Variants in ABCA6 observed in about 807,000 individuals in gnomAD.
ABCA6 encodes the protein ATP binding cassette subfamily A member 6, also known as ATP-binding cassette sub-family A member 6.
In ABCA6, 164 loss-of-function variants were observed where a neutral mutation model predicts 191.2. The ratio of observed to expected loss-of-function variants is 0.86; its 90% CI spans 0.76 to 0.98. The LOEUF is 0.98. Ranked by LOEUF, ABCA6 falls within the 50% of genes least tolerant of loss-of-function variation. The pLI is 0.00. For missense variants in ABCA6, 1,958 were observed against 1,894.1 expected (o/e 1.03, Z -0.63); for synonymous variants, 636 against 647.7 (o/e 0.98, Z 0.27).
rs1289184506 is a variant in ABCA6 at position 69,103,401 on chromosome 17, A to G, written c.2741-433T>C. ...GACAAGTAAATATATATGTGTCTGT[A>G]TAACACATACATATGTTTTACTTTA... On this transcript the variant is annotated intron_variant, in intron 20 of 38. Coordinates refer to ENST00000284425, the MANE Select transcript of ABCA6 (RefSeq NM_080284.3). Among the ~76,000 whole-genome samples the G allele has an allele frequency of 5.3e-5, 8 of 152,328 alleles. No homozygotes were observed. In the East Asian group the frequency reaches 1.3e-3, roughly 26 times the overall value.
rs761572402 is a variant in ABCA6, at chr17:69,102,785, A to C, written c.2874+50T>G. On this transcript the variant is annotated intron_variant, in intron 21 of 38. Transcript: ENST00000284425. ...TAATTTCTGCAGTTTTAAAACAGCT[A>C]AAATGTAGTACTTTTTGTTTTTTTC... 6.5e-6 allele frequency: 10 copies of C among 1,527,710 alleles called. No homozygotes were observed. The African/African-American group carries it at 1.4e-4, about 22-fold the overall frequency. 94.6% of individuals were successfully genotyped at this position (1,527,710 alleles called of 1,614,324 possible).
At chr17:69,115,016 T>C in intron 12 of ABCA6, 79 bp from the exon 13 acceptor site, 1 of 1,107,206 alleles carries the variant, frequency 9.0e-7, no homozygotes, top group Non-Finnish European at 1.3e-6. Flanking sequence ...AAGAAAATAT[T>C]GGCATATGTT....
At chr17:69,101,366 G>A (rs911830138) in intron 21 of ABCA6, among the ~76,000 whole-genome samples, 54 of 152,142 alleles carry the variant, frequency 3.5e-4, no homozygotes, top group East Asian at 1.9e-4. Flanking sequence ...AGGCCAAGGC[G>A]GGCAGATCAC....
At position 69,078,876 on chromosome 17, in the gene ABCA6, T is replaced by G. The variant is rs891363474; in HGVS notation, c.*97A>C. 1 of 696,192 alleles carries G rather than the reference T, an allele frequency of 1.4e-6. No individual in the cohort carries two copies. The highest frequency in any genetic ancestry group is 1.9e-5 in the African/African-American group (1 of 53,660). The allele number at this position is 696,192 out of a possible 1,614,324, so 43.1% of individuals were successfully genotyped here. ...CTAAATTTACAAAATATACCTGATG[T>G]TAATTTTAAATGATCTTTAAAATTA... is the stretch of plus-strand genomic sequence containing the variant. On this transcript the variant is annotated 3_prime_UTR_variant, in exon 39 of 39. Coordinates refer to ENST00000284425, the MANE Select transcript of ABCA6 (RefSeq NM_080284.3).
rs2144694300 is a variant in ABCA6, at chr17:69,123,414, A to T, written c.1268-7T>A. The T allele has an allele frequency of 6.9e-7, 1 of 1,458,486 alleles. No homozygotes were observed. The highest frequency in any genetic ancestry group is 1.4e-5 in the African/African-American group (1 of 70,556). 90.3% of individuals were successfully genotyped at this position (1,458,486 alleles called of 1,614,324 possible). ...TAATGGCGCTCATCTCCATCTAATT[A>T]ACCAAGAGGCAACAAAATATGATCA... is the stretch of plus-strand genomic sequence containing the variant. On this transcript the variant is annotated splice_region_variant and splice_polypyrimidine_tract_variant and intron_variant, in intron 9 of 38. Coordinates refer to ENST00000284425, the MANE Select transcript of ABCA6 (RefSeq NM_080284.3).
At chr17:69,113,085 C>G in intron 15 of ABCA6, 137 bp downstream of exon 15, 1 of 976,612 alleles carries the variant, frequency 1.0e-6, no homozygotes, top group Non-Finnish European at 1.4e-6. Context: ...TGGAACTAGA[C>G]TCCTGTCGTC....
At chr17:69,090,721 T>A (rs1254501844) in intron 26 of ABCA6, among the ~76,000 whole-genome samples, 1 of 152,222 alleles carries the variant, frequency 6.6e-6, no homozygotes, top group African/African-American at 2.4e-5. Flanking sequence ...TGATATATAT[T>A]TTTGAATGAT....
chr17:69,141,257 A>C (rs1020917330), intron 1 of ABCA6, among the ~76,000 whole-genome samples: 2 of 151,994 alleles, frequency 1.3e-5, no homozygotes, highest in African/African-American at 4.8e-5. Context: ...ATGAAAAGAG[A>C]TAGGTTGTAA....
At chr17:69,136,377 C>T in intron 3 of ABCA6, 127 bp from the exon 4 acceptor site, 5 of 779,588 alleles carry the variant, frequency 6.4e-6, no homozygotes, top group Non-Finnish European at 9.2e-6. Flanking sequence ...CCATTTAAAT[C>T]AATTTTAACC....
intron 25 of ABCA6, among the ~76,000 whole-genome samples, chr17:69,095,785 A>T (rs1214911439): frequency 6.6e-6 from 1 of 152,168 alleles, no homozygotes; most frequent in Non-Finnish European, 1.5e-5. Context: ...TTTCCAGCAA[A>T]GTTTTCCATG....
rs768126641 is a variant in ABCA6 at position 69,084,476 on chromosome 17, G to A, written c.4216C>T (p.Leu1406=). 6.2e-7 allele frequency: 1 copy of A among 1,614,150 alleles called. No homozygotes were observed. The highest frequency in any genetic ancestry group is 8.5e-7 in the Non-Finnish European group (1 of 1,180,016). ...GTTAATTTCTGCACAGGAACATTCA[G>A]CTGCTCATGCAGTTTGAAAGCACTC... ...LVSAFKLHEQ[L]NVPVQKLTAG... The change falls in exon 33 of 39, where the codon CTG becomes TTG. Residue 1406 remains leucine, a synonymous_variant. Coordinates refer to ENST00000284425, the MANE Select transcript of ABCA6 (RefSeq NM_080284.3).
At chr17:69,111,255 A>G (rs901806384) in intron 16 of ABCA6, 1 of 175,082 alleles carries the variant, frequency 5.7e-6, no homozygotes, top group African/African-American at 2.4e-5. Flanking sequence ...GAGACTTCTT[A>G]GGGAAAATAA....
In ABCA6 at chr17:69,083,222, C is replaced by T. The variant is rs1217890083; in HGVS notation, c.4465G>A (p.Gly1489Arg). 1.3e-6 allele frequency: 2 copies of T among 1,599,744 alleles called. No homozygotes were observed. Among genetic ancestry groups the T allele is most frequent in the Admixed American group, 1.8e-5 (1 of 56,174 alleles). The change falls in exon 35 of 39, where the codon GGA (glycine) becomes AGA (arginine). Residue 1489 changes from glycine (G) to arginine (R), a missense_variant. Physicochemically the swap from Gly to Arg is moderately radical, Grantham distance 125. Coordinates refer to ENST00000284425, the MANE Select transcript of ABCA6 (RefSeq NM_080284.3). ...LCDRVAIMVS[G>R]RLRCIGSIQH... Reference sequence around the variant, plus strand: ...CGGAGAGACACCCACCTAAGCCTTCCAGACACCATGATGGCCACACGGTCA... The same window carrying T: ...CGGAGAGACACCCACCTAAGCCTTCTAGACACCATGATGGCCACACGGTCA...
Position 69,098,138 on chromosome 17 carries a change from A to T in ABCA6, c.3013-111T>A, listed in dbSNP as rs1037369150. 13 of 667,398 alleles carry T rather than the reference A, an allele frequency of 1.9e-5. No individual in the cohort carries two copies. The African/African-American group carries it at 2.3e-4, about 12-fold the overall frequency. The allele number at this position is 667,398 out of a possible 1,614,324, so 41.3% of individuals were successfully genotyped here. On this transcript the variant is annotated intron_variant, in intron 22 of 38. Coordinates refer to ENST00000284425, the MANE Select transcript of ABCA6 (RefSeq NM_080284.3). The stretch of plus-strand genomic sequence containing the variant: ...TGTTGAAAAATCAAAGTAAAGGTGT[A>T]GCTCATTACCATCTAGGCACGAAGG...
chr17:69,113,864 A>C, intron 13 of ABCA6, 127 bp from the exon 14 acceptor site: 1 of 666,144 alleles, frequency 1.5e-6, no homozygotes, highest in South Asian at 1.8e-5. Flanking sequence ...CCACAATGAG[A>C]TATCACCTCA....
chr17:69,130,950 C>T lies in ABCA6; in HGVS notation c.792-1199G>A, dbSNP rs535808928. On this transcript the variant is annotated intron_variant, in intron 6 of 38. Coordinates refer to ENST00000284425, the MANE Select transcript of ABCA6 (RefSeq NM_080284.3). ...TATGCTGCACCCTTAAATATTTGCA[C>T]GATTTTGCTTTAGAGGTGCTAGTGT... Among the ~76,000 whole-genome samples, 12 of 152,214 alleles carry T rather than the reference C, an allele frequency of 7.9e-5. No homozygotes were observed. The East Asian group carries it at 1.5e-3, about 20-fold the overall frequency.
intron 10 of ABCA6, among the ~76,000 whole-genome samples, chr17:69,122,336 G>T (rs1190602143): frequency 6.6e-6 from 1 of 152,038 alleles, no homozygotes; most frequent in Non-Finnish European, 1.5e-5. Context: ...CATTAACTTT[G>T]TACCAAACTT....
chr17:69,107,559 C>A, intron 18 of ABCA6, 137 bp downstream of exon 18: 1 of 649,028 alleles, frequency 1.5e-6, no homozygotes, highest in Admixed American at 2.7e-5. Flanking sequence ...TAATGACAGC[C>A]CATCTCAAAC....
intron 17 of ABCA6, chr17:69,108,626 A>G (rs1428933574): frequency 1.3e-5 from 2 of 152,096 alleles, no homozygotes; most frequent in Non-Finnish European, 2.9e-5. Flanking sequence ...TAACTCTTCT[A>G]TGGAGATACT....
Sources: gnomAD v4.1 joint callset for allele counts (sites outside exome capture counted in the v4.1 genomes callset) on GRCh38, gnomAD v4.1.1 for gene constraint, MANE v1.5 for transcripts, NCBI Gene and HGNC (gene_info 2026-07-23, HGNC 2026-07-21) for gene names.